PRSS23: variants seen among roughly 807,000 people sequenced by gnomAD.
PRSS23 encodes the protein protease, serine 23.
Under a neutral mutation model 34.7 loss-of-function variants are expected in PRSS23, and 25 were observed. The observed-to-expected ratio is 0.72, with a 90% CI of 0.53 to 1.01. The LOEUF is 1.01. PRSS23 is among the 50% of genes least tolerant of loss of function. The probability of loss-of-function intolerance (pLI) is 0.00; values close to 1 mark genes in which losing one functional copy is unlikely to be tolerated. For synonymous variants in PRSS23, 176 were observed against 186.6 expected (o/e 0.94, Z 0.46); for missense variants, 445 against 475.6 (o/e 0.94, Z 0.60).
chr11:86,833,337 C>T (rs1948375873), intron 2 of PRSS23: 1 of 1,027,430 alleles, frequency 9.7e-7, no homozygotes. Flanking sequence ...TGAGCAGATT[C>T]TCCAGCACCA....
intron 2 of PRSS23, among the ~76,000 whole-genome samples, chr11:86,823,830 C>T (rs1481466222): frequency 1.3e-5 from 2 of 150,992 alleles, no homozygotes; most frequent in South Asian, 2.1e-4. Context: ...CACGGTGAAA[C>T]CCCGTCTCTA....
At position 86,808,755 on chromosome 11, in the gene PRSS23, A is replaced by C; in HGVS notation, c.1112A>C (p.Tyr371Ser). 6.2e-7 allele frequency: 1 copy of C among 1,613,782 alleles called. No homozygotes were observed. The highest frequency in any genetic ancestry group is 8.5e-7 in the Non-Finnish European group (1 of 1,179,836). ...CCTCTCAAATATGCCCAGATTTGCTATTGGATTAAAGGAAACTACCTGGAT... is the reference window on the plus strand; with the variant it reads ...CCTCTCAAATATGCCCAGATTTGCTCTTGGATTAAAGGAAACTACCTGGAT... ...ITPLKYAQICYWIKGNYLDCR... is the reference protein window; with the variant it reads ...ITPLKYAQICSWIKGNYLDCR... The change falls in exon 2 of 2, where the codon TAT (tyrosine) becomes TCT (serine). Residue 371 changes from tyrosine (Y) to serine (S), a missense_variant. Tyr to Ser is a moderately radical substitution (Grantham distance 144). Coordinates refer to ENST00000280258, the MANE Select transcript of PRSS23 (RefSeq NM_007173.6).
chr11:86,906,492 C>T (rs1948943950), intron 2 of PRSS23, among the ~76,000 whole-genome samples: 1 of 152,206 alleles, frequency 6.6e-6, no homozygotes, highest in Non-Finnish European at 1.5e-5. Flanking sequence ...TAGCTGGGAC[C>T]GCGAGGTTGC....
At chr11:86,924,101 G>A (rs543336348) in intron 2 of PRSS23, among the ~76,000 whole-genome samples, 7 of 152,274 alleles carry the variant, frequency 4.6e-5, no homozygotes, top group South Asian at 2.1e-4. Flanking sequence ...ATCGAGAGCC[G>A]GAAAACAGGG....
intron 2 of PRSS23, among the ~76,000 whole-genome samples, chr11:86,824,976 G>A (rs888678598): frequency 2.8e-4 from 42 of 151,912 alleles, no homozygotes; most frequent in Non-Finnish European, 5.3e-4. Context: ...ATGATTTATA[G>A]TCCTTTGGGT....
chr11:86,828,011 C>T (rs1369842507), intron 2 of PRSS23, among the ~76,000 whole-genome samples: 3 of 152,052 alleles, frequency 2.0e-5, no homozygotes, highest in Admixed American at 1.3e-4. Context: ...CTATTAGGTC[C>T]ACTTGGTGCA....
chr11:86,891,827 T>C (rs1948843390), intron 2 of PRSS23, among the ~76,000 whole-genome samples: 1 of 152,036 alleles, frequency 6.6e-6, no homozygotes, highest in South Asian at 2.1e-4. Flanking sequence ...TTTCTAAGTG[T>C]TTGGTAGTTC....
chr11:86,877,345 G>A (rs2134955155), intron 2 of PRSS23, among the ~76,000 whole-genome samples: 1 of 152,286 alleles, frequency 6.6e-6, no homozygotes, highest in Middle Eastern at 3.4e-3. Flanking sequence ...ACCCAATGTG[G>A]ACACCTTTTC....
chr11:86,803,226 G>A (rs1325808444), intron 1 of PRSS23, among the ~76,000 whole-genome samples: 1 of 152,198 alleles, frequency 6.6e-6, no homozygotes, highest in African/African-American at 2.4e-5. Flanking sequence ...GTAAAAGGGT[G>A]AGATTTGAAA....
chr11:86,817,694 T>C (rs1464115050), intron 1 of PRSS23, among the ~76,000 whole-genome samples: 1 of 152,250 alleles, frequency 6.6e-6, no homozygotes, highest in Non-Finnish European at 1.5e-5. Flanking sequence ...TGAATTTACG[T>C]TGTGTTCAGG....
chr11:86,834,280 G>C (rs1948385062), intron 2 of PRSS23, among the ~76,000 whole-genome samples: 1 of 152,088 alleles, frequency 6.6e-6, no homozygotes, highest in African/African-American at 2.4e-5. Flanking sequence ...ATTTTCATTG[G>C]TTAGCTGCAG....
chr11:86,941,160 A>G (rs1166198065), intron 2 of PRSS23: 1 of 152,146 alleles, frequency 6.6e-6, no homozygotes, highest in Non-Finnish European at 1.5e-5. Flanking sequence ...CCTTCCCTAC[A>G]TATTTACATC....
chr11:86,875,622 T>G (rs1379144131), intron 2 of PRSS23, among the ~76,000 whole-genome samples: 1 of 152,214 alleles, frequency 6.6e-6, no homozygotes. Context: ...TCTGCACTCT[T>G]TCTTGACTAA....
chr11:86,841,484 A>C (rs896695948), intron 2 of PRSS23, among the ~76,000 whole-genome samples: 7 of 152,166 alleles, frequency 4.6e-5, no homozygotes, highest in Non-Finnish European at 1.0e-4. Flanking sequence ...CTTCAAAAAA[A>C]TCAATGAATC....
chr11:86,815,950 G>A (rs1321982503), downstream of PRSS23, among the ~76,000 whole-genome samples: 1 of 152,124 alleles, frequency 6.6e-6, no homozygotes. Context: ...CCCAAGACAT[G>A]TTCTGAAGCA....
At chr11:86,930,037 A>G (rs10792884) in intron 2 of PRSS23, among the ~76,000 whole-genome samples, 94,895 of 151,884 alleles carry the variant, frequency 0.62, 30,164 homozygotes, top group Non-Finnish European at 0.69. Flanking sequence ...GCTAATATAT[A>G]CAAATATAGT....
chr11:86,807,358 A>C (rs1049116567), intron 1 of PRSS23, among the ~76,000 whole-genome samples: 2 of 152,096 alleles, frequency 1.3e-5, no homozygotes, highest in Admixed American at 1.3e-4. Flanking sequence ...TATGCCTGCT[A>C]CTCTGCAGTC....
chr11:86,880,004 G>A (rs1381679996), intron 2 of PRSS23, among the ~76,000 whole-genome samples: 2 of 152,152 alleles, frequency 1.3e-5, no homozygotes, highest in African/African-American at 4.8e-5. Context: ...GGAATAGAAA[G>A]GGGAGAAAGG....
chr11:86,877,986 A>G (rs1948736268), intron 2 of PRSS23, among the ~76,000 whole-genome samples: 1 of 152,054 alleles, frequency 6.6e-6, no homozygotes, highest in Admixed American at 6.6e-5. Context: ...TCTTGAACAC[A>G]GGATGTCTTT....
Sources: allele counts gnomAD v4.1 joint callset (sites outside exome capture counted in the v4.1 genomes callset), GRCh38; gene constraint gnomAD v4.1.1; transcripts MANE v1.5; gene names NCBI Gene and HGNC (gene_info 2026-07-23, HGNC 2026-07-21).